The following CCKAR variants were observed in gnomAD, a reference collection of about 807,000 sequenced individuals.
The protein encoded by CCKAR is cholecystokinin A receptor, also known as cholecystokinin receptor type A.
A neutral mutation model predicts 29.8 loss-of-function variants in CCKAR; 21 were observed. The observed-to-expected ratio is 0.70, with a 90% confidence interval of 0.50 to 1.01. The LOEUF (loss-of-function observed/expected upper bound fraction) is 1.01, where lower values mean the gene tolerates loss of function less well. Among genes scored for constraint, CCKAR ranks in the 50% least tolerant of loss-of-function variants. The pLI, the probability that CCKAR is intolerant of heterozygous loss-of-function variation, is 0.00. For synonymous variants in CCKAR, 238 were observed against 221.3 expected (o/e 1.08, Z -0.67); for missense variants, 570 against 560.6 (o/e 1.02, Z -0.17).
chr4:26,485,981 G>T, intron 2 of CCKAR, 83 bp from the exon 3 acceptor site: 2 of 1,234,430 alleles, frequency 1.6e-6, no homozygotes, highest in Non-Finnish European at 2.3e-6. Context: ...TATCTGATCT[G>T]CACAGGTTTG....
chr4:26,489,453 G>A lies in CCKAR; in HGVS notation c.144C>T (p.Tyr48=), dbSNP rs1348819616. Residue 48 remains tyrosine, a synonymous_variant, in exon 2 of 5, where the codon TAC becomes TAT. Coordinates refer to ENST00000295589, the MANE Select transcript of CCKAR (RefSeq NM_000730.3). ...GCACGCTGAGCAGGAATATCAAGGA[G>A]TACAAGAGAATCTGCACCGCTGGCT... The part of the protein sequence containing the change: ...EWQPAVQILL[Y]SLIFLLSVLG... The A allele has an allele frequency of 1.2e-6, 2 of 1,614,046 alleles. No homozygotes were observed. The highest frequency in any genetic ancestry group is 1.7e-6 in the Non-Finnish European group (2 of 1,179,916).
chr4:26,485,644 G>T lies in CCKAR; in HGVS notation c.619C>A (p.Gln207Lys), dbSNP rs751902336. ...TAAACAATGCAACCTTACCAGGACT[G>T]CTGCATAACATCATTTGGCAGTAGA... Reference protein sequence around the residue: ...RFLLPNDVMQQSWHTFLLLIL... With the variant: ...RFLLPNDVMQKSWHTFLLLIL... Residue 207 changes from glutamine to lysine, a missense_variant, in exon 3 of 5, where the codon CAG (glutamine) becomes AAG (lysine). By Grantham distance (53) the Gln-to-Lys change is moderately conservative (BLOSUM62 1). Coordinates refer to ENST00000295589, the MANE Select transcript of CCKAR (RefSeq NM_000730.3). The T allele has an allele frequency of 6.2e-7, 1 of 1,614,090 alleles. No homozygotes were observed. Among genetic ancestry groups the T allele is most frequent in the South Asian group, 1.1e-5 (1 of 91,080 alleles).
In CCKAR at chr4:26,489,333, G is replaced by A. The variant is rs528962343; in HGVS notation, c.264C>T (p.Leu88=). 1 of 1,614,176 alleles carries A rather than the reference G, an allele frequency of 6.2e-7. No homozygotes were observed. The highest frequency in any genetic ancestry group is 1.3e-5 in the African/African-American group (1 of 75,048). ...ACGGCATGCAGAAGAGACAGAGCAT[G>A]AGGTCGCTGACAGCCAGGGAGAGGA... ...IFLLSLAVSD[L]MLCLFCMPFN... is the part of the protein sequence containing the mutation. The change falls in exon 2 of 5, where the codon CTC becomes CTT. Residue 88 remains leucine, a synonymous_variant. Coordinates refer to ENST00000295589, the MANE Select transcript of CCKAR (RefSeq NM_000730.3).
chr4:26,486,852 T>G (rs938464123), intron 2 of CCKAR, among the ~76,000 whole-genome samples: 1 of 152,090 alleles, frequency 6.6e-6, no homozygotes, highest in African/African-American at 2.4e-5. Flanking sequence ...AGGCCAAGGT[T>G]GTAGTGAGCC....
At chr4:26,485,975 T>G in intron 2 of CCKAR, 77 bp from the exon 3 acceptor site, 1 of 1,298,950 alleles carries the variant, frequency 7.7e-7, no homozygotes, top group Non-Finnish European at 1.1e-6. Flanking sequence ...TGAATATATC[T>G]GATCTGCACA....
intron 4 of CCKAR, among the ~76,000 whole-genome samples, 173 bp from the exon 5 acceptor site, chr4:26,482,343 T>G (rs773356638): frequency 6.6e-6 from 1 of 152,188 alleles, no homozygotes; most frequent in Non-Finnish European, 1.5e-5. Flanking sequence ...AGTTCTTCCC[T>G]TCAATGAAAT....
At chr4:26,485,928 T>C (rs1306158278) in intron 2 of CCKAR, 30 bp from the exon 3 acceptor site, 2 of 1,601,022 alleles carry the variant, frequency 1.2e-6, no homozygotes, top group East Asian at 2.2e-5. Flanking sequence ...GCCGGTTATG[T>C]TGACTCTGAA....
At chr4:26,482,855 G>A (rs1268138768) in intron 4 of CCKAR, among the ~76,000 whole-genome samples, 3 of 152,140 alleles carry the variant, frequency 2.0e-5, no homozygotes, top group African/African-American at 4.8e-5. Context: ...TATGGAAAGG[G>A]GTCTGTTTGA....
At chr4:26,488,194 G>T (rs184472930) in intron 2 of CCKAR, among the ~76,000 whole-genome samples, 1 of 151,916 alleles carries the variant, frequency 6.6e-6, no homozygotes, top group African/African-American at 2.4e-5. Flanking sequence ...AAGGGCAAGG[G>T]ACTAGGCAAT....
intron 2 of CCKAR, among the ~76,000 whole-genome samples, chr4:26,486,156 T>G (rs932917838): frequency 6.6e-6 from 1 of 152,240 alleles, no homozygotes; most frequent in African/African-American, 2.4e-5. Flanking sequence ...GAGCTTTGAT[T>G]ATCACCTAAC....
In CCKAR at chr4:26,489,482, A is replaced by T. The variant is rs377562256; in HGVS notation, c.115T>A (p.Trp39Arg). The stretch of plus-strand genomic sequence containing the variant: ...AAGAGAATCTGCACCGCTGGCTGCC[A>T]CTCTGCAGAGAGAAACAGGAGCAAG... Reference protein sequence around the residue: ...CLDQPRPSKEWQPAVQILLYS... With the variant: ...CLDQPRPSKERQPAVQILLYS... The change falls in exon 2 of 5, where the codon TGG becomes AGG. Residue 39 changes from tryptophan (W) to arginine (R), a missense_variant and splice_region_variant. Coordinates refer to ENST00000295589, the MANE Select transcript of CCKAR (RefSeq NM_000730.3). 7 of 1,613,276 alleles carry T rather than the reference A, an allele frequency of 4.3e-6. No homozygotes were observed. The Admixed American group carries it at 6.7e-5, about 15-fold the overall frequency.
At chr4:26,486,399 A>G (rs932652957) in intron 2 of CCKAR, among the ~76,000 whole-genome samples, 3 of 152,226 alleles carry the variant, frequency 2.0e-5, no homozygotes, top group Non-Finnish European at 4.4e-5. Flanking sequence ...TTGAGTACAT[A>G]CTGTTCTTAA....
intron 2 of CCKAR, among the ~76,000 whole-genome samples, chr4:26,487,311 A>G (rs533687849): frequency 1.3e-5 from 2 of 152,190 alleles, no homozygotes; most frequent in African/African-American, 4.8e-5. Flanking sequence ...TAGAGTCTTA[A>G]AAAAGTCTAT....
chr4:26,486,015 G>T (rs1212251431), intron 2 of CCKAR, 117 bp from the exon 3 acceptor site: 11 of 840,504 alleles, frequency 1.3e-5, no homozygotes, highest in Non-Finnish European at 2.0e-5. Context: ...ACGCTTGGAA[G>T]GTAAAGAAAT....
chr4:26,481,480 C>G lies in CCKAR; in HGVS notation c.*158G>C. ...CCCACTGGAGCAGTGCTCTGGAATC[C>G]AGATGAAGGATGAAAAGCAGACCTT... On this transcript the variant is annotated 3_prime_UTR_variant, in exon 5 of 5. Coordinates refer to ENST00000295589, the MANE Select transcript of CCKAR (RefSeq NM_000730.3). 7 of 779,704 alleles carry G rather than the reference C, an allele frequency of 9.0e-6. No individual in the cohort carries two copies. The South Asian group carries it at 1.2e-4, about 13-fold the overall frequency. 48.3% of individuals were successfully genotyped at this position (779,704 alleles called of 1,614,324 possible). A position where few individuals can be genotyped will look rare whatever the true frequency, so the allele number is the denominator to read the frequency against.
chr4:26,486,808 G>C (rs1321838052), intron 2 of CCKAR, among the ~76,000 whole-genome samples: 1 of 152,150 alleles, frequency 6.6e-6, no homozygotes. Context: ...CAGGTACTTG[G>C]AAGGCTGAGG....
In CCKAR at chr4:26,489,276, G is replaced by T; in HGVS notation, c.321C>A (p.Phe107Leu). ...FNLIPNLLKD[F>L]IFGSAVCKTT... ...TCTTGCAAACGGCGCTCCCGAAGAT[G>T]AAATCCTTGAGCAGATTGGGGATGA... The change falls in exon 2 of 5, where the codon TTC becomes TTA. Residue 107 changes from phenylalanine to leucine, a missense_variant. Physicochemically the swap from Phe to Leu is conservative, Grantham distance 22. Transcript: ENST00000295589. 6.2e-7 allele frequency: 1 copy of T among 1,614,154 alleles called. No individual in the cohort carries two copies. The highest frequency in any genetic ancestry group is 8.5e-7 in the Non-Finnish European group (1 of 1,180,026).
intron 2 of CCKAR, among the ~76,000 whole-genome samples, chr4:26,488,689 G>T (rs913681355): frequency 6.6e-6 from 1 of 152,092 alleles, no homozygotes; most frequent in Admixed American, 6.5e-5. Context: ...CCCCAGCTTT[G>T]GGGAGAACAG....
chr4:26,487,343 A>G (rs1737469219), intron 2 of CCKAR, among the ~76,000 whole-genome samples: 1 of 152,172 alleles, frequency 6.6e-6, no homozygotes, highest in African/African-American at 2.4e-5. Flanking sequence ...CATTAACTAA[A>G]AACTCATGTT....
Sources: gnomAD v4.1 joint callset for allele counts (sites outside exome capture counted in the v4.1 genomes callset) on GRCh38, gnomAD v4.1.1 for gene constraint, MANE v1.5 for transcripts, NCBI Gene and HGNC (gene_info 2026-07-23, HGNC 2026-07-21) for gene names.